FAM135A: variants seen among roughly 807,000 people sequenced by gnomAD.
FAM135A encodes protein FAM135A.
In FAM135A, 79 loss-of-function variants were observed where a neutral mutation model predicts 146.8. The ratio of observed to expected loss-of-function variants is 0.54; its 90% CI spans 0.45 to 0.65. The LOEUF is 0.65. Ranked by LOEUF, FAM135A falls within the 30% of genes least tolerant of loss-of-function variation. The pLI is 0.00. For synonymous variants in FAM135A, 562 were observed against 603.6 expected, an observed-to-expected ratio of 0.93 and a Z score of 1.01; for missense variants, 1,623 against 1,758.2, an observed-to-expected ratio of 0.92 and a Z score of 1.38.
At chr6:70,521,911 CTTTTT>C (rs1423026033) in intron 12 of FAM135A, among the ~76,000 whole-genome samples, 1 of 151,792 alleles carries the variant, frequency 6.6e-6, no homozygotes, top group Admixed American at 6.6e-5. Flanking sequence ...ATAGCTTTGC[CTTTTT>C]TTTGTTTTGT....
At chr6:70,452,688 C>G (rs753171175) in intron 5 of FAM135A, 117 bp downstream of exon 5, 1 of 625,996 alleles carries the variant, frequency 1.6e-6, no homozygotes, top group Non-Finnish European at 2.6e-6. Context: ...ATTATGATAA[C>G]CATTGTAAGA....
intron 11 of FAM135A, among the ~76,000 whole-genome samples, chr6:70,499,427 CTT>C (rs1426013007): frequency 2.0e-5 from 3 of 152,176 alleles, no homozygotes; most frequent in Non-Finnish European, 2.9e-5. Context: ...GGTCTTGACT[CTT>C]TATCCAATTT....
chr6:70,492,006 C>T (rs1170660298), intron 11 of FAM135A, among the ~76,000 whole-genome samples: 1 of 151,756 alleles, frequency 6.6e-6, no homozygotes, highest in Non-Finnish European at 1.5e-5. Flanking sequence ...CAAAATCCCA[C>T]TGGAAATTTA....
chr6:70,550,119 C>T (rs1303429515), intron 20 of FAM135A, among the ~76,000 whole-genome samples: 3 of 152,234 alleles, frequency 2.0e-5, no homozygotes, highest in African/African-American at 7.2e-5. Flanking sequence ...ATTTCCACCA[C>T]ATCTGCAGTT....
intron 4 of FAM135A, among the ~76,000 whole-genome samples, chr6:70,445,380 T>C (rs1775471929): frequency 6.7e-6 from 1 of 148,550 alleles, no homozygotes; most frequent in Non-Finnish European, 1.5e-5. Context: ...AGGGAAACCC[T>C]AACCCAGTGG....
chr6:70,518,554 A>G (rs1792824511), intron 12 of FAM135A, among the ~76,000 whole-genome samples: 1 of 152,242 alleles, frequency 6.6e-6, no homozygotes, highest in Admixed American at 6.5e-5. Flanking sequence ...TCATAGCTAG[A>G]AAAGAGAAAT....
intron 20 of FAM135A, among the ~76,000 whole-genome samples, chr6:70,553,121 T>C (rs1800156611): frequency 1.3e-5 from 2 of 152,124 alleles, no homozygotes; most frequent in South Asian, 4.1e-4. Flanking sequence ...GGGGAAGCCA[T>C]TATTAGATAA....
intron 5 of FAM135A, among the ~76,000 whole-genome samples, chr6:70,469,140 C>T (rs945070648): frequency 3.3e-5 from 5 of 152,168 alleles, no homozygotes; most frequent in African/African-American, 1.2e-4. Flanking sequence ...TCACACCACT[C>T]CGTTAGGATG....
At chr6:70,485,204 T>C (rs1784390839) in intron 10 of FAM135A, among the ~76,000 whole-genome samples, 1 of 152,142 alleles carries the variant, frequency 6.6e-6, no homozygotes. Context: ...CAGTTTTCAT[T>C]GTTACTTGAA....
intron 2 of FAM135A, among the ~76,000 whole-genome samples, chr6:70,421,630 C>G (rs1768879900): frequency 6.6e-6 from 1 of 152,112 alleles, no homozygotes; most frequent in Non-Finnish European, 1.5e-5. Flanking sequence ...GTTTGGGATC[C>G]CCCTCTAGCT....
At chr6:70,444,336 C>T (rs1775228036) in intron 4 of FAM135A, among the ~76,000 whole-genome samples, 1 of 152,082 alleles carries the variant, frequency 6.6e-6, no homozygotes, top group Non-Finnish European at 1.5e-5. Flanking sequence ...CTGGGTGGTA[C>T]AGGTTGCATT....
chr6:70,474,010 C>A (rs1782126218), intron 5 of FAM135A, among the ~76,000 whole-genome samples: 1 of 152,154 alleles, frequency 6.6e-6, no homozygotes, highest in Non-Finnish European at 1.5e-5. Flanking sequence ...CACCGCTGCA[C>A]TTAGATTGCC....
At chr6:70,472,649 A>G (rs146432434) in intron 5 of FAM135A, among the ~76,000 whole-genome samples, 1 of 152,146 alleles carries the variant, frequency 6.6e-6, no homozygotes, top group Non-Finnish European at 1.5e-5. Flanking sequence ...GTTCCAAATC[A>G]TATATTGTAA....
At chr6:70,556,105 C>T (rs1196307245) in intron 20 of FAM135A, among the ~76,000 whole-genome samples, 1 of 151,932 alleles carries the variant, frequency 6.6e-6, no homozygotes, top group Non-Finnish European at 1.5e-5. Flanking sequence ...AAAAATTAGC[C>T]AGGTGTGGTG....
Position 70,528,340 on chromosome 6 carries a change from C to A in FAM135A, c.3663C>A (p.Phe1221Leu). The change falls in exon 16 of 22, where the codon TTC becomes TTA. Residue 1221 changes from phenylalanine to leucine, a missense_variant. By Grantham distance (22) the Phe-to-Leu change is conservative (BLOSUM62 0). This residue lies in a region of FAM135A where 1,061 missense variants were observed against 1,113.8 expected (regional missense o/e 0.95). Coordinates refer to ENST00000418814, the MANE Select transcript of FAM135A (RefSeq NM_001162529.3). ...TGAAGCTACTAAAACTTCCTGGGTT[C>A]ATGTACAGTGAAGTTCCTCTGCTGG... Reference protein sequence around the residue: ...EELKLLKLPGFMYSEVPLLAS... With the variant: ...EELKLLKLPGLMYSEVPLLAS... The A allele has an allele frequency of 6.2e-7, 1 of 1,613,236 alleles. No individual in the cohort carries two copies. The highest frequency in any genetic ancestry group is 1.1e-5 in the South Asian group (1 of 90,840).
In FAM135A at chr6:70,526,503, A is replaced by G; in HGVS notation, c.3419A>G (p.Asp1140Gly). ...SEKINSDYLR[D>G]GINMPTVCTS... ...AAAATAAACAGTGACTATCTGAGAGATGGTATAAACATGCCTACTGTCTGT... is the reference window on the plus strand; with the variant it reads ...AAAATAAACAGTGACTATCTGAGAGGTGGTATAAACATGCCTACTGTCTGT... The change falls in exon 15 of 22, where the codon GAT becomes GGT. Residue 1140 changes from aspartate to glycine, a missense_variant. Coordinates refer to ENST00000418814, the MANE Select transcript of FAM135A (RefSeq NM_001162529.3). 6.2e-7 allele frequency: 1 copy of G among 1,613,536 alleles called. No individual in the cohort carries two copies. The highest frequency in any genetic ancestry group is 8.5e-7 in the Non-Finnish European group (1 of 1,179,682).
chr6:70,487,890 ATACT>A (rs1197402911), intron 10 of FAM135A, among the ~76,000 whole-genome samples: 1 of 152,196 alleles, frequency 6.6e-6, no homozygotes, highest in African/African-American at 2.4e-5. Flanking sequence ...GAGTAGAAAA[ATACT>A]TAATTTTCAA....
chr6:70,491,932 C>T (rs1786068517), intron 11 of FAM135A, among the ~76,000 whole-genome samples: 1 of 151,732 alleles, frequency 6.6e-6, no homozygotes, highest in African/African-American at 2.4e-5. Context: ...ATATGATACT[C>T]CTGTAGATAA....
chr6:70,545,355 G>A (rs954181341), intron 20 of FAM135A, among the ~76,000 whole-genome samples: 1 of 152,154 alleles, frequency 6.6e-6, no homozygotes, highest in African/African-American at 2.4e-5. Flanking sequence ...GCTCATGCAT[G>A]TAATCCCAGC....
Sources: gnomAD v4.1 joint callset for allele counts (sites outside exome capture counted in the v4.1 genomes callset) on GRCh38, gnomAD v4.1.1 for gene constraint, gnomAD v4.1.1 regional missense constraint, MANE v1.5 for transcripts, NCBI Gene and HGNC (gene_info 2026-07-23, HGNC 2026-07-21) for gene names.